The following CSMD3 variants were observed in gnomAD, a reference collection of about 807,000 sequenced individuals.
CSMD3 encodes CUB and sushi domain-containing protein 3.
CSMD3 carries 177 observed loss-of-function variants against 435.2 expected under a neutral mutation model. The ratio of observed to expected loss-of-function variants is 0.41; its 90% CI spans 0.36 to 0.46. The LOEUF is 0.46. CSMD3 is among the 20% of genes least tolerant of loss of function. The pLI, the probability that CSMD3 is intolerant of heterozygous loss-of-function variation, is 0.34. For missense variants in CSMD3, 4,265 were observed against 4,504.6 expected, an observed-to-expected ratio of 0.95 and a Z score of 1.52; for synonymous variants, 1,656 against 1,520.5, an observed-to-expected ratio of 1.09 and a Z score of -2.07.
intron 35 of CSMD3, among the ~76,000 whole-genome samples, chr8:112,396,266 CTT>C (rs1830853883): frequency 6.6e-6 from 1 of 152,126 alleles, no homozygotes; most frequent in South Asian, 2.1e-4. Flanking sequence ...TGGATGCTGA[CTT>C]GGCTTAAGTT....
At chr8:112,553,210 C>A (rs1399225246) in intron 25 of CSMD3, among the ~76,000 whole-genome samples, 1 of 151,914 alleles carries the variant, frequency 6.6e-6, no homozygotes. Flanking sequence ...TTGTACTCTC[C>A]CAAAAGTCAA....
chr8:112,585,308 A>G (rs988349453), intron 23 of CSMD3, among the ~76,000 whole-genome samples: 7 of 151,752 alleles, frequency 4.6e-5, no homozygotes, highest in African/African-American at 1.2e-4. Flanking sequence ...GGAAAATTAC[A>G]GAATTCTTAA....
intron 13 of CSMD3, among the ~76,000 whole-genome samples, chr8:112,699,116 C>G (rs549166591): frequency 1.2e-4 from 19 of 152,206 alleles, no homozygotes; most frequent in South Asian, 2.1e-4. Flanking sequence ...AGCAGCAACC[C>G]GCTCGCGTCC....
At chr8:113,253,442 T>C (rs2093351550) in intron 3 of CSMD3, among the ~76,000 whole-genome samples, 1 of 151,990 alleles carries the variant, frequency 6.6e-6, no homozygotes, top group African/African-American at 2.4e-5. Context: ...AATGTTCTCA[T>C]TACAAATTGA....
At chr8:113,108,441 G>A (rs1405156555) in intron 4 of CSMD3, among the ~76,000 whole-genome samples, 2 of 141,016 alleles carry the variant, frequency 1.4e-5, no homozygotes, top group Non-Finnish European at 3.0e-5. Flanking sequence ...AAAAAAAAAA[G>A]GTTATGTATG....
intron 5 of CSMD3, among the ~76,000 whole-genome samples, chr8:113,088,908 C>A (rs2089904909): frequency 6.6e-6 from 1 of 152,072 alleles, no homozygotes; most frequent in African/African-American, 2.4e-5. Flanking sequence ...ATTCCTCCAG[C>A]AAACTGGGAT....
At chr8:112,818,094 TA>T (rs1244983149) in intron 12 of CSMD3, among the ~76,000 whole-genome samples, 2 of 151,954 alleles carry the variant, frequency 1.3e-5, no homozygotes, top group East Asian at 1.9e-4. Flanking sequence ...CTTTATGAAC[TA>T]TTTTTTTATG....
intron 6 of CSMD3, among the ~76,000 whole-genome samples, chr8:112,997,690 T>G (rs967912448): frequency 6.6e-6 from 1 of 151,638 alleles, no homozygotes; most frequent in Non-Finnish European, 1.5e-5. Flanking sequence ...TTTAAAAGTT[T>G]GATAGATTGC....
chr8:112,323,476 A>C (rs1823200671), intron 45 of CSMD3, among the ~76,000 whole-genome samples: 1 of 152,022 alleles, frequency 6.6e-6, no homozygotes, highest in Non-Finnish European at 1.5e-5. Context: ...TGGTTAACTT[A>C]AGGTTGTATA....
rs1348579797 is a variant in CSMD3, at chr8:113,215,453, T to C, written c.515-41537A>G. 3.3e-5 allele frequency among the ~76,000 whole-genome samples: 5 copies of C among 151,916 alleles called. No individual in the cohort carries two copies. The East Asian group carries it at 9.7e-4, about 29-fold the overall frequency. ...TTGGTTGTTAATGATGTCAGTGAAA[T>C]TGCTAATCAAACTGGAAGTGCCTTC... On this transcript the variant is annotated intron_variant, in intron 3 of 70. Transcript: ENST00000297405.
chr8:113,081,674 T>C (rs759809284), intron 5 of CSMD3, among the ~76,000 whole-genome samples: 1 of 152,092 alleles, frequency 6.6e-6, no homozygotes, highest in Non-Finnish European at 1.5e-5. Context: ...CATCTTGCCC[T>C]GGGGCTTGAT....
chr8:113,311,941 T>C (rs2093872554), intron 2 of CSMD3: 1 of 152,136 alleles, frequency 6.6e-6, no homozygotes, highest in South Asian at 2.1e-4. Flanking sequence ...GTCTATAAAA[T>C]AAATAGGAAA....
chr8:112,702,734 C>T (rs1339942690), intron 13 of CSMD3, among the ~76,000 whole-genome samples: 2 of 151,920 alleles, frequency 1.3e-5, no homozygotes, highest in Non-Finnish European at 2.9e-5. Context: ...TCAGGAGGGG[C>T]GTGAAGTAGG....
intron 8 of CSMD3, 128 bp from the exon 9 acceptor site, chr8:112,948,005 A>C: frequency 1.7e-6 from 1 of 576,068 alleles, no homozygotes. Context: ...TCATTTAAGC[A>C]TTTGTTAAAC....
intron 4 of CSMD3, among the ~76,000 whole-genome samples, chr8:113,115,016 C>T (rs543489944): frequency 6.6e-6 from 1 of 152,290 alleles, no homozygotes; most frequent in East Asian, 1.9e-4. Context: ...AGTCCTTGCA[C>T]CCTTCCCTGT....
chr8:112,481,916 TTTTG>T (rs1301917643), intron 31 of CSMD3, among the ~76,000 whole-genome samples: 1 of 152,162 alleles, frequency 6.6e-6, no homozygotes, highest in Non-Finnish European at 1.5e-5. Flanking sequence ...ACATAATTCA[TTTTG>T]TTTAACTGCC....
intron 3 of CSMD3, among the ~76,000 whole-genome samples, chr8:113,270,132 A>T (rs1489451935): frequency 1.3e-5 from 2 of 152,118 alleles, no homozygotes; most frequent in Non-Finnish European, 2.9e-5. Context: ...AAACAACCCC[A>T]TCAATAAGTG....
At chr8:112,954,614 T>C (rs2083942601) in intron 8 of CSMD3, 70 bp downstream of exon 8, 1 of 958,254 alleles carries the variant, frequency 1.0e-6, no homozygotes, top group Admixed American at 1.8e-5. Flanking sequence ...GTAAAACACA[T>C]ACAAACAACA....
chr8:112,405,968 A>G (rs1831822083), intron 35 of CSMD3, among the ~76,000 whole-genome samples: 1 of 152,142 alleles, frequency 6.6e-6, no homozygotes, highest in African/African-American at 2.4e-5. Flanking sequence ...ATTTGATAGC[A>G]CAACAGTGTG....
Sources: gnomAD v4.1 joint callset for allele counts (sites outside exome capture counted in the v4.1 genomes callset) on GRCh38, gnomAD v4.1.1 for gene constraint, MANE v1.5 for transcripts, NCBI Gene and HGNC (gene_info 2026-07-23, HGNC 2026-07-21) for gene names.